NFIB: variants seen among roughly 807,000 people sequenced by gnomAD.
The protein encoded by NFIB is nuclear factor 1 B-type.
In NFIB, 11 loss-of-function variants were observed where a neutral mutation model predicts 61.5. The observed-to-expected ratio is 0.18, with a 90% CI of 0.11 to 0.30. The LOEUF (loss-of-function observed/expected upper bound fraction) is 0.30. NFIB is among the 10% of genes least tolerant of loss of function. The pLI, the probability that NFIB is intolerant of heterozygous loss-of-function variation, is 1.00. For missense variants in NFIB, 471 were observed against 608.9 expected (o/e 0.77, Z 2.38); for synonymous variants, 260 against 216.5 (o/e 1.20, Z -1.76).
At chr9:14,472,715 C>T in the NFIB span, among the ~76,000 whole-genome samples, 1 of 152,050 alleles carries the variant, frequency 6.6e-6, no homozygotes, top group East Asian at 1.9e-4. Flanking sequence ...GTGGCGGGCG[C>T]CTGTAGTCCC....
chr9:14,139,229 C>T (rs997572989), intron 6 of NFIB, among the ~76,000 whole-genome samples: 2 of 152,172 alleles, frequency 1.3e-5, no homozygotes, highest in Admixed American at 1.3e-4. Context: ...GATCCTTGGA[C>T]TACTTAGCTG....
chr9:14,154,065 T>C (rs1238427606), intron 4 of NFIB, among the ~76,000 whole-genome samples: 2 of 152,182 alleles, frequency 1.3e-5, no homozygotes, highest in African/African-American at 2.4e-5. Context: ...GAATGAAGTA[T>C]ATTAAATTTA....
At chr9:14,308,745 T>C (rs1018751292) in intron 1 of NFIB, among the ~76,000 whole-genome samples, 5 of 152,232 alleles carry the variant, frequency 3.3e-5, no homozygotes, top group Non-Finnish European at 7.3e-5. Context: ...GTACCAATCT[T>C]TTGAATTAAG....
intron 2 of NFIB, among the ~76,000 whole-genome samples, chr9:14,304,922 A>T (rs1256670900): frequency 6.6e-6 from 1 of 152,224 alleles, no homozygotes; most frequent in East Asian, 1.9e-4. Context: ...TTTTCAAAGG[A>T]AGAACCAACA....
At chr9:14,264,355 T>C (rs552049036) in intron 2 of NFIB, among the ~76,000 whole-genome samples, 115 of 152,322 alleles carry the variant, frequency 7.5e-4, no homozygotes, top group African/African-American at 2.7e-3. Context: ...GTTATTTCTA[T>C]ATTTAGGTCA....
At chr9:14,088,919 A>T (rs1042361256) in intron 10 of NFIB, among the ~76,000 whole-genome samples, 3 of 152,190 alleles carry the variant, frequency 2.0e-5, no homozygotes, top group African/African-American at 7.2e-5. Flanking sequence ...CCAATTATCA[A>T]ACATACCTTA....
chr9:14,307,261 G>A lies in NFIB; in HGVS notation c.290C>T (p.Thr97Ile). The change falls in exon 2 of 11, where the codon ACT (threonine) becomes ATT (isoleucine). Residue 97 changes from threonine to isoleucine, a missense_variant. Transcript: ENST00000380953. This position sits in a 1 kb window ranked among gnomAD's most constrained non-coding sequence, Gnocchi z 5.3. ...EYREDFVLTV[T>I]GKKHPCCVLS... ...GACACAGCACGGGTGCTTCTTGCCA[G>A]TCACGGTGAGCACAAAGTCCTCTCG... is the stretch of plus-strand genomic sequence containing the variant. 1 of 1,614,050 alleles carries A rather than the reference G, an allele frequency of 6.2e-7. No individual in the cohort carries two copies. Among genetic ancestry groups the A allele is most frequent in the Non-Finnish European group, 8.5e-7 (1 of 1,180,016 alleles).
the NFIB span, among the ~76,000 whole-genome samples, chr9:14,515,046 T>C: frequency 6.6e-6 from 1 of 152,154 alleles, no homozygotes; most frequent in Non-Finnish European, 1.5e-5. Flanking sequence ...GAATTGAGAC[T>C]AAAAGGCTAG....
chr9:14,354,393 C>T (rs537030462), intron 1 of NFIB, among the ~76,000 whole-genome samples: 3 of 152,312 alleles, frequency 2.0e-5, no homozygotes, highest in East Asian at 3.9e-4. Context: ...GCTGGAAATT[C>T]TGCTACTAAG....
At chr9:14,202,553 T>A (rs114788220) in intron 2 of NFIB, among the ~76,000 whole-genome samples, 3,516 of 152,284 alleles carry the variant, frequency 0.023, 128 homozygotes, top group African/African-American at 0.078. Flanking sequence ...GAATTGGTTT[T>A]CTGCTACTCA....
chr9:14,322,102 A>AAAAAC, intron 1 of NFIB: 1 of 731,144 alleles, frequency 1.4e-6, no homozygotes, highest in Non-Finnish European at 1.8e-6. Context: ...AAAAAAAAAA[A>AAAAAC]GCAATCCGGG....
At chr9:14,463,148 TTG>T in the NFIB span, among the ~76,000 whole-genome samples, 1 of 11,004 alleles carries the variant, frequency 9.1e-5, no homozygotes, top group African/African-American at 3.7e-4. Flanking sequence ...AATAATTATT[TTG>T]ATTGTTTTAT....
At chr9:14,208,445 C>G (rs2131700258) in intron 2 of NFIB, among the ~76,000 whole-genome samples, 1 of 152,202 alleles carries the variant, frequency 6.6e-6, no homozygotes, top group Non-Finnish European at 1.5e-5. Context: ...TACTTTATGT[C>G]TCAAATGTGA....
chr9:14,513,063 T>C, the NFIB span, among the ~76,000 whole-genome samples: 1 of 152,178 alleles, frequency 6.6e-6, no homozygotes, highest in East Asian at 1.9e-4. Flanking sequence ...ACAAAATGTT[T>C]ATTCCATCTA....
At chr9:14,252,371 T>G (rs1182511152) in intron 2 of NFIB, among the ~76,000 whole-genome samples, 1 of 152,198 alleles carries the variant, frequency 6.6e-6, no homozygotes, top group Non-Finnish European at 1.5e-5. Flanking sequence ...AGACTAAATC[T>G]TTAAAATATG....
At chr9:14,356,883 G>T (rs2061182343) in intron 1 of NFIB, among the ~76,000 whole-genome samples, 1 of 152,202 alleles carries the variant, frequency 6.6e-6, no homozygotes, top group African/African-American at 2.4e-5. Context: ...GCTGTTATGG[G>T]GAGATCCTGT....
chr9:14,441,558 T>C, the NFIB span, among the ~76,000 whole-genome samples: 1 of 151,872 alleles, frequency 6.6e-6, no homozygotes, highest in Non-Finnish European at 1.5e-5. Flanking sequence ...TAATTCCCAG[T>C]TGCATATAGC....
the NFIB span, among the ~76,000 whole-genome samples, chr9:14,493,458 G>C: frequency 6.6e-6 from 1 of 152,150 alleles, no homozygotes; most frequent in South Asian, 2.1e-4. Context: ...TTTAAAAGAG[G>C]AAAATTCCTG....
At chr9:14,460,495 T>C in the NFIB span, among the ~76,000 whole-genome samples, 17 of 152,000 alleles carry the variant, frequency 1.1e-4, no homozygotes, top group African/African-American at 4.1e-4. Flanking sequence ...TGTGCACATG[T>C]ACCCTAAAAC....
Sources: allele counts gnomAD v4.1 joint callset (sites outside exome capture counted in the v4.1 genomes callset), GRCh38; gene constraint gnomAD v4.1.1; non-coding constraint Gnocchi (gnomAD v3.1); transcripts MANE v1.5; gene names NCBI Gene and HGNC (gene_info 2026-07-23, HGNC 2026-07-21).